REPS1: variants seen among roughly 807,000 people sequenced by gnomAD.
REPS1 encodes the protein ralBP1-associated Eps domain-containing protein 1.
In REPS1, 39 loss-of-function variants were observed where a neutral mutation model predicts 100.9. That is an observed-to-expected ratio of 0.39 (90% CI 0.30 to 0.50). REPS1 has a LOEUF of 0.50. REPS1 is among the 20% of genes least tolerant of loss of function. The pLI, the probability that REPS1 is intolerant of heterozygous loss-of-function variation, is 0.86. For synonymous variants in REPS1, 324 were observed against 340.3 expected (o/e 0.95, Z 0.53); for missense variants, 821 against 968.5 (o/e 0.85, Z 2.02).
chr6:138,964,561 GC>G (rs1232232139), intron 1 of REPS1, among the ~76,000 whole-genome samples: 1 of 151,738 alleles, frequency 6.6e-6, no homozygotes, highest in Non-Finnish European at 1.5e-5. Flanking sequence ...ACTCAATTTA[GC>G]CATTCCACAA....
chr6:138,982,353 G>T (rs1785000612), intron 1 of REPS1, among the ~76,000 whole-genome samples: 1 of 152,134 alleles, frequency 6.6e-6, no homozygotes, highest in African/African-American at 2.4e-5. Flanking sequence ...ATGATCTAAA[G>T]ATTTTCAGCT....
At chr6:138,970,511 G>A (rs1784285853) in intron 1 of REPS1, among the ~76,000 whole-genome samples, 2 of 151,960 alleles carry the variant, frequency 1.3e-5, no homozygotes, top group African/African-American at 4.8e-5. Context: ...CAAGCACAGT[G>A]GCTCACACCT....
At chr6:138,907,963 T>C (rs1358164967) in intron 18 of REPS1, among the ~76,000 whole-genome samples, 1 of 152,128 alleles carries the variant, frequency 6.6e-6, no homozygotes, top group African/African-American at 2.4e-5. Context: ...TGTTTTCTTT[T>C]CTCTTCTATT....
intron 1 of REPS1, among the ~76,000 whole-genome samples, chr6:138,970,318 G>A (rs146817957): frequency 9.2e-5 from 14 of 152,140 alleles, no homozygotes; most frequent in South Asian, 4.2e-4. Flanking sequence ...CAATCAGGAC[G>A]TTAAAGACAG....
Position 138,926,421 on chromosome 6 carries a change from T to C in REPS1, c.1318A>G (p.Asn440Asp). The part of the protein sequence containing the change: ...SSQTLTQFDS[N>D]IAPADPDTAI... ...CTTACAGGATCAGCTGGTGCAATGT[T>C]AGAATCAAATTGGGTCAGAGTTTGT... Residue 440 changes from asparagine (N) to aspartate (D), a missense_variant, in exon 10 of 20, where the codon AAC (asparagine) becomes GAC (aspartate). By Grantham distance (23) the Asn-to-Asp change is conservative. This residue lies in a region of REPS1 where 757 missense variants were observed against 866.4 expected (regional missense o/e 0.87). Coordinates refer to ENST00000450536, the MANE Select transcript of REPS1 (RefSeq NM_001286611.2). 6.2e-7 allele frequency: 1 copy of C among 1,612,594 alleles called. No individual in the cohort carries two copies. The highest frequency in any genetic ancestry group is 8.5e-7 in the Non-Finnish European group (1 of 1,178,946).
At chr6:138,947,429 GAAC>G (rs1485548632) in intron 2 of REPS1, among the ~76,000 whole-genome samples, 1 of 152,118 alleles carries the variant, frequency 6.6e-6, no homozygotes, top group Non-Finnish European at 1.5e-5. Context: ...TGGAAATGAA[GAAC>G]ACAGGGACGC....
At chr6:138,955,456 AAGTGTGTGTGT>A (rs1783317215) in intron 1 of REPS1, among the ~76,000 whole-genome samples, 1 of 46,858 alleles carries the variant, frequency 2.1e-5, no homozygotes, top group Non-Finnish European at 3.7e-5. Flanking sequence ...AAAAAAAAAA[AAGTGTGTGTGT>A]GTGTGTGTGT....
intron 2 of REPS1, 104 bp from the exon 3 acceptor site, chr6:138,945,801 T>C: frequency 2.1e-6 from 2 of 965,020 alleles, no homozygotes; most frequent in South Asian, 2.2e-5. Context: ...TAAAAATGGA[T>C]ACAGAAACAA....
At chr6:138,932,466 C>A (rs991480925) in intron 8 of REPS1, among the ~76,000 whole-genome samples, 4 of 151,098 alleles carry the variant, frequency 2.6e-5, no homozygotes, top group Non-Finnish European at 4.4e-5. Flanking sequence ...CTTACCCCCC[C>A]CCACATACAT....
At chr6:138,975,800 C>T (rs1447623518) in intron 1 of REPS1, among the ~76,000 whole-genome samples, 1 of 152,078 alleles carries the variant, frequency 6.6e-6, no homozygotes, top group African/African-American at 2.4e-5. Flanking sequence ...TGCCATTGCG[C>T]TCCAGCCTGG....
chr6:138,936,103 T>C (rs186902390), intron 8 of REPS1, among the ~76,000 whole-genome samples: 21 of 152,138 alleles, frequency 1.4e-4, no homozygotes, highest in Admixed American at 6.5e-4. Context: ...CATAGCACAA[T>C]TGCAAAGGAA....
chr6:138,956,144 G>C (rs1189745954), intron 1 of REPS1, among the ~76,000 whole-genome samples: 1 of 152,014 alleles, frequency 6.6e-6, no homozygotes, highest in South Asian at 2.1e-4. Flanking sequence ...TGCAACTTCT[G>C]AACCCAGGAT....
intron 1 of REPS1, among the ~76,000 whole-genome samples, chr6:138,971,059 T>G (rs1784315651): frequency 1.3e-5 from 2 of 152,182 alleles, no homozygotes; most frequent in African/African-American, 4.8e-5. Context: ...AACAGTAAGT[T>G]TGGATTCACT....
In REPS1 at chr6:138,972,435, G is replaced by C. The variant is rs1784390240; in HGVS notation, c.153+15095C>G. ...TGAGTTGGTAGAAGCTTTTAAGGCTGATTACGCATGACTAATCAGATTTGA... is the reference window on the plus strand; with the variant it reads ...TGAGTTGGTAGAAGCTTTTAAGGCTCATTACGCATGACTAATCAGATTTGA... On this transcript the variant is annotated intron_variant, in intron 1 of 19. Transcript: ENST00000450536. 2.0e-5 allele frequency among the ~76,000 whole-genome samples: 3 copies of C among 152,262 alleles called. No individual in the cohort carries two copies. In the East Asian group the frequency reaches 5.8e-4, roughly 29 times the overall value.
chr6:138,951,609 G>A (rs1225639777), intron 1 of REPS1, among the ~76,000 whole-genome samples: 2 of 152,028 alleles, frequency 1.3e-5, no homozygotes, highest in African/African-American at 2.4e-5. Context: ...AGCAGAGCTC[G>A]CAAACTACTT....
intron 1 of REPS1, among the ~76,000 whole-genome samples, chr6:138,957,268 A>T (rs1783447606): frequency 6.6e-6 from 1 of 152,206 alleles, no homozygotes; most frequent in Non-Finnish European, 1.5e-5. Flanking sequence ...ATCCTAAAAC[A>T]TTTAGAGATG....
intron 14 of REPS1, 129 bp from the exon 15 acceptor site, chr6:138,914,890 G>T: frequency 2.6e-6 from 2 of 767,674 alleles, no homozygotes; most frequent in Non-Finnish European, 4.3e-6. Context: ...TAGAAGGCAA[G>T]TACTAACTTG....
intron 1 of REPS1, among the ~76,000 whole-genome samples, chr6:138,981,519 T>C (rs1038748078): frequency 1.1e-4 from 17 of 152,376 alleles, no homozygotes; most frequent in African/African-American, 4.1e-4. Flanking sequence ...CATGGATTTA[T>C]GACCCTTTCA....
rs973832791 is a variant in REPS1, at chr6:138,907,417, T to C, written c.2322+78A>G. 1.2e-5 allele frequency: 12 copies of C among 966,648 alleles called. No homozygotes were observed. In the South Asian group the frequency reaches 1.4e-4, roughly 11 times the overall value. 59.9% of individuals were successfully genotyped at this position (966,648 alleles called of 1,614,324 possible). A position where few individuals can be genotyped will look rare whatever the true frequency, so the allele number is the denominator to read the frequency against. On this transcript the variant is annotated intron_variant, in intron 19 of 19. Coordinates refer to ENST00000450536, the MANE Select transcript of REPS1 (RefSeq NM_001286611.2). ...AGAACCATATATGTGATCTTGGAGG[T>C]ATCTGAGGTCACATTCCTTCTCTTT...
Sources: gnomAD v4.1 joint callset for allele counts (sites outside exome capture counted in the v4.1 genomes callset) on GRCh38, gnomAD v4.1.1 for gene constraint, gnomAD v4.1.1 regional missense constraint, MANE v1.5 for transcripts, NCBI Gene and HGNC (gene_info 2026-07-23, HGNC 2026-07-21) for gene names.